AP2M1: variants seen among roughly 807,000 people sequenced by gnomAD.
AP2M1 encodes the protein adaptor related protein complex 2 subunit mu 1, also known as AP-2 complex subunit mu.
Under a neutral mutation model 54.5 loss-of-function variants are expected in AP2M1, and 5 were observed. That is an observed-to-expected ratio of 0.09 (90% CI 0.05 to 0.19). The LOEUF is 0.19. Ranked by LOEUF, AP2M1 falls within the 10% of genes least tolerant of loss-of-function variation. The pLI is 1.00. For missense variants in AP2M1, 178 were observed against 580.2 expected, an observed-to-expected ratio of 0.31 and a Z score of 7.12; for synonymous variants, 186 against 208.2, an observed-to-expected ratio of 0.89 and a Z score of 0.92.
chr3:184,179,187 T>C (rs1715187519), intron 3 of AP2M1, 65 bp downstream of exon 3: 2 of 1,577,976 alleles, frequency 1.3e-6, no homozygotes, highest in Non-Finnish European at 1.7e-6. Context: ...GGGCCTGGCC[T>C]GAAGGTGGGT....
chr3:184,182,409 T>C lies in AP2M1; in HGVS notation c.1061+161T>C, dbSNP rs1355753240. ...CAGTCTTTATACCTCCATGTGAGTA[T>C]GTACACGCCTGCATTTGGGTTCATG... On this transcript the variant is annotated intron_variant, in intron 10 of 11. Transcript: ENST00000292807. The surrounding 1 kb of genome is among the most constrained non-coding windows in gnomAD (Gnocchi z 5.5). 9.6e-6 allele frequency: 7 copies of C among 725,766 alleles called. No individual in the cohort carries two copies. The highest frequency in any genetic ancestry group is 1.6e-5 in the Non-Finnish European group (7 of 448,386). 45.0% of individuals were successfully genotyped at this position (725,766 alleles called of 1,614,324 possible).
Position 184,181,115 on chromosome 3 carries a change from G to T in AP2M1, c.596G>T (p.Arg199Leu). ...GTGCTGAGTGCCCATGTGTCGGGCCGGGTGGTGATGAAGAGCTACCTGAGT... is the reference window on the plus strand; with the variant it reads ...GTGCTGAGTGCCCATGTGTCGGGCCTGGTGGTGATGAAGAGCTACCTGAGT... The part of the protein sequence containing the change: ...GQVLSAHVSG[R>L]VVMKSYLSGM... The change falls in exon 7 of 12, where the codon CGG becomes CTG. Residue 199 changes from arginine (R) to leucine (L), a missense_variant. Physicochemically the swap from Arg to Leu is moderately radical, Grantham distance 102. This residue lies in a region of AP2M1 where 115 missense variants were observed against 331.2 expected (regional missense o/e 0.35). Coordinates refer to ENST00000292807, the MANE Select transcript of AP2M1 (RefSeq NM_004068.4). This position sits in a 1 kb window ranked among gnomAD's most constrained non-coding sequence, Gnocchi z 5.7. 1 of 1,614,122 alleles carries T rather than the reference G, an allele frequency of 6.2e-7. No homozygotes were observed. Among genetic ancestry groups the T allele is most frequent in the South Asian group, 1.1e-5 (1 of 91,056 alleles).
At chr3:184,179,272 C>A in intron 3 of AP2M1, 150 bp downstream of exon 3, 2 of 992,924 alleles carry the variant, frequency 2.0e-6, no homozygotes, top group South Asian at 3.3e-5. Context: ...ATCTCTATGC[C>A]CCTCAGAAGG....
chr3:184,182,689 G>A lies in AP2M1; in HGVS notation c.1062-68G>A, dbSNP rs538975980. 2 of 1,425,528 alleles carry A rather than the reference G, an allele frequency of 1.4e-6. No homozygotes were observed. The highest frequency in any genetic ancestry group is 2.4e-5 in the South Asian group (2 of 84,722). The allele number at this position is 1,425,528 out of a possible 1,614,324, so 88.3% of individuals were successfully genotyped here. Reference sequence around the variant, plus strand: ...AAGCTCCTGGGCTCTCTCCTTGCTTGAAATGGGCAACTGCCCTTGAAACTC... The same window carrying A: ...AAGCTCCTGGGCTCTCTCCTTGCTTAAAATGGGCAACTGCCCTTGAAACTC... On this transcript the variant is annotated intron_variant, in intron 10 of 11. Transcript: ENST00000292807. The surrounding 1 kb of genome is among the most constrained non-coding windows in gnomAD (Gnocchi z 5.5).
At position 184,181,167 on chromosome 3, in the gene AP2M1, G is replaced by A. The variant is rs775111647; in HGVS notation, c.648G>A (p.Met216Ile). 1 of 1,614,050 alleles carries A rather than the reference G, an allele frequency of 6.2e-7. No homozygotes were observed. The highest frequency in any genetic ancestry group is 1.3e-5 in the African/African-American group (1 of 74,928). ...GCATGCCTGAATGCAAGTTTGGGATGAATGACAAGATTGTTATTGAAAAGC... is the reference window on the plus strand; with the variant it reads ...GCATGCCTGAATGCAAGTTTGGGATAAATGACAAGATTGTTATTGAAAAGC... ...LSGMPECKFG[M>I]NDKIVIEKQG... The change falls in exon 7 of 12, where the codon ATG becomes ATA. Residue 216 changes from methionine (M) to isoleucine (I), a missense_variant. Around this residue, in one of 5 missense-constraint regions of AP2M1, gnomAD observed 115 missense variants for 331.2 expected, o/e 0.35. Transcript: ENST00000292807. The surrounding 1 kb of genome is among the most constrained non-coding windows in gnomAD (Gnocchi z 5.7).
chr3:184,181,595 C>A lies in AP2M1; in HGVS notation c.708-101C>A. ...GAGTCACAAAGCTGCATTCTAGCAGCTTTTCATAGTCTCTGGTGCCAGCCT... is the reference window on the plus strand; with the variant it reads ...GAGTCACAAAGCTGCATTCTAGCAGATTTTCATAGTCTCTGGTGCCAGCCT... On this transcript the variant is annotated intron_variant, in intron 7 of 11. Coordinates refer to ENST00000292807, the MANE Select transcript of AP2M1 (RefSeq NM_004068.4). The surrounding 1 kb of genome is among the most constrained non-coding windows in gnomAD (Gnocchi z 5.7). 6.7e-7 allele frequency: 1 copy of A among 1,490,898 alleles called. No individual in the cohort carries two copies. The allele number at this position is 1,490,898 out of a possible 1,614,324, so 92.4% of individuals were successfully genotyped here. A position where few individuals can be genotyped will look rare whatever the true frequency, so the allele number is the denominator to read the frequency against.
At chr3:184,176,525 G>A (rs909541985) in intron 1 of AP2M1, among the ~76,000 whole-genome samples, 1 of 152,162 alleles carries the variant, frequency 6.6e-6, no homozygotes, top group Non-Finnish European at 1.5e-5. Flanking sequence ...ATGCCTGGGG[G>A]CCCCAGGCCT....
At position 184,183,188 on chromosome 3, in the gene AP2M1, A is replaced by G. The variant is rs751604845; in HGVS notation, c.1174-294A>G. The G allele has an allele frequency of 5.4e-6, 3 of 553,100 alleles. No homozygotes were observed. The highest frequency in any genetic ancestry group is 9.7e-6 in the Non-Finnish European group (3 of 309,360). The allele number at this position is 553,100 out of a possible 1,614,324, so 34.3% of individuals were successfully genotyped here. ...TGACTTTGCTTTGCGCATGTTAGACATAATTTTCTCCACCTTATTTTTAAG... is the reference window on the plus strand; with the variant it reads ...TGACTTTGCTTTGCGCATGTTAGACGTAATTTTCTCCACCTTATTTTTAAG... On this transcript the variant is annotated intron_variant, in intron 11 of 11. Coordinates refer to ENST00000292807, the MANE Select transcript of AP2M1 (RefSeq NM_004068.4). This position sits in a 1 kb window ranked among gnomAD's most constrained non-coding sequence, Gnocchi z 5.7.
In AP2M1 at chr3:184,179,169, A is replaced by T. The variant is rs374693436; in HGVS notation, c.340+47A>T. 462 of 1,599,016 alleles carry T rather than the reference A, an allele frequency of 2.9e-4. 1 individual carries two copies. The African/African-American group carries it at 5.6e-3, about 19-fold the overall frequency. The stretch of plus-strand genomic sequence containing the variant: ...GGCAGCGGGCGTAGGGTGGGAAAAA[A>T]CCAGGCTGGGCCTGGCCTGAAGGTG... On this transcript the variant is annotated intron_variant, in intron 3 of 11. Transcript: ENST00000292807.
At position 184,180,755 on chromosome 3, in the gene AP2M1, G is replaced by A. The variant is rs1245499807; in HGVS notation, c.430-94G>A. 5.6e-6 allele frequency: 9 copies of A among 1,614,040 alleles called. No individual in the cohort carries two copies. The highest frequency in any genetic ancestry group is 1.1e-5 in the South Asian group (1 of 91,082). ...AATGGATTACAGGTGGGGACTAGAAGGGATGGGGAATGAGGGTGGAGTGGG... is the reference window on the plus strand; with the variant it reads ...AATGGATTACAGGTGGGGACTAGAAAGGATGGGGAATGAGGGTGGAGTGGG... On this transcript the variant is annotated intron_variant, in intron 5 of 11. Coordinates refer to ENST00000292807, the MANE Select transcript of AP2M1 (RefSeq NM_004068.4). The surrounding 1 kb of genome is among the most constrained non-coding windows in gnomAD (Gnocchi z 4.9).
intron 2 of AP2M1, chr3:184,177,629 T>G: frequency 6.5e-7 from 1 of 1,534,668 alleles, no homozygotes; most frequent in Non-Finnish European, 8.7e-7. Context: ...ACTCTCTGGG[T>G]CACTGTGGGA....
At chr3:184,177,484 A>C (rs1715111705) in intron 2 of AP2M1, 1 of 1,471,978 alleles carries the variant, frequency 6.8e-7, no homozygotes, top group Non-Finnish European at 9.2e-7. Context: ...AAACGCCTTC[A>C]CTGGATTCTG....
In AP2M1 at chr3:184,182,790, G is replaced by A. The variant is rs368284020; in HGVS notation, c.1095G>A (p.Gln365=). ...IKRMAGMKES[Q]ISAEIELLPT... Reference sequence around the variant, plus strand: ...GCATGGCAGGCATGAAGGAATCGCAGATCAGCGCAGAGATTGAGCTTCTGC... The same window carrying A: ...GCATGGCAGGCATGAAGGAATCGCAAATCAGCGCAGAGATTGAGCTTCTGC... The change falls in exon 11 of 12, where the codon CAG becomes CAA. Residue 365 remains glutamine (Q), a synonymous_variant. Coordinates refer to ENST00000292807, the MANE Select transcript of AP2M1 (RefSeq NM_004068.4). The surrounding 1 kb of genome is among the most constrained non-coding windows in gnomAD (Gnocchi z 5.5). 5.6e-6 allele frequency: 9 copies of A among 1,614,138 alleles called. No homozygotes were observed. The African/African-American group carries it at 1.2e-4, about 22-fold the overall frequency.
In AP2M1 at chr3:184,181,355, T is replaced by G. The variant is rs980171114; in HGVS notation, c.707+129T>G. The G allele has an allele frequency of 7.2e-6, 10 of 1,393,910 alleles. No individual in the cohort carries two copies. The African/African-American group carries it at 1.4e-4, about 20-fold the overall frequency. The allele number at this position is 1,393,910 out of a possible 1,614,324, so 86.3% of individuals were successfully genotyped here. A position where few individuals can be genotyped will look rare whatever the true frequency, so the allele number is the denominator to read the frequency against. On this transcript the variant is annotated intron_variant, in intron 7 of 11. Transcript: ENST00000292807. The surrounding 1 kb of genome is among the most constrained non-coding windows in gnomAD (Gnocchi z 5.7). ...CAAACTCTGTTCCTGACGGTAAGCC[T>G]GGCTGTTCGCTCTTGACATTAGTGC...
intron 2 of AP2M1, 144 bp downstream of exon 2, chr3:184,177,211 T>C: frequency 1.2e-6 from 1 of 845,224 alleles, no homozygotes; most frequent in South Asian, 1.7e-5. Flanking sequence ...TAGTGTAGCC[T>C]GGCTCCCATT....
Position 184,180,710 on chromosome 3 carries a change from C to T in AP2M1, c.429+60C>T. 1 of 1,614,194 alleles carries T rather than the reference C, an allele frequency of 6.2e-7. No individual in the cohort carries two copies. The highest frequency in any genetic ancestry group is 8.5e-7 in the Non-Finnish European group (1 of 1,180,028). On this transcript the variant is annotated intron_variant, in intron 5 of 11. Coordinates refer to ENST00000292807, the MANE Select transcript of AP2M1 (RefSeq NM_004068.4). This position sits in a 1 kb window ranked among gnomAD's most constrained non-coding sequence, Gnocchi z 4.9. ...TTGCTTTGTTTCTCCAGGCCCTGCC[C>T]TTTGGGGCTTATAGGGGAAAATGGA...
rs543156298 is a variant in AP2M1, at chr3:184,183,678, C to A, written c.*62C>A. On this transcript the variant is annotated 3_prime_UTR_variant, in exon 12 of 12. Transcript: ENST00000292807. This position sits in a 1 kb window ranked among gnomAD's most constrained non-coding sequence, Gnocchi z 5.7. Reference sequence around the variant, plus strand: ...CTCCTCCACAGGTCCAGGTGCCGCTCCCTCCCCCACCACACATCAGTGTCT... The same window carrying A: ...CTCCTCCACAGGTCCAGGTGCCGCTACCTCCCCCACCACACATCAGTGTCT... 30 of 1,556,592 alleles carry A rather than the reference C, an allele frequency of 1.9e-5. No homozygotes were observed. The African/African-American group carries it at 3.8e-4, about 20-fold the overall frequency.
At position 184,182,974 on chromosome 3, in the gene AP2M1, A is replaced by G; in HGVS notation, c.1173+106A>G. On this transcript the variant is annotated intron_variant, in intron 11 of 11. Coordinates refer to ENST00000292807, the MANE Select transcript of AP2M1 (RefSeq NM_004068.4). The surrounding 1 kb of genome is among the most constrained non-coding windows in gnomAD (Gnocchi z 5.5). Reference sequence around the variant, plus strand: ...CTTAGAGGTGAGGAAACTGAGGCCTAGAAAGAAGAACTGGCTTTAATTCAT... The same window carrying G: ...CTTAGAGGTGAGGAAACTGAGGCCTGGAAAGAAGAACTGGCTTTAATTCAT... The G allele has an allele frequency of 1.1e-6, 1 of 930,926 alleles. No individual in the cohort carries two copies. Among genetic ancestry groups the G allele is most frequent in the South Asian group, 1.4e-5 (1 of 71,686 alleles). 57.7% of individuals were successfully genotyped at this position (930,926 alleles called of 1,614,324 possible).
chr3:184,180,483 C>T lies in AP2M1; in HGVS notation c.424-162C>T. 2.5e-6 allele frequency: 3 copies of T among 1,212,690 alleles called. No homozygotes were observed. The highest frequency in any genetic ancestry group is 2.1e-5 in the Admixed American group (1 of 46,948). The allele number at this position is 1,212,690 out of a possible 1,614,324, so 75.1% of individuals were successfully genotyped here. Reference sequence around the variant, plus strand: ...ATACAGCTCAAGCAGTTTCCTTTTGCACTGAGGGGTGGGGGAGGAGGCCTG... The same window carrying T: ...ATACAGCTCAAGCAGTTTCCTTTTGTACTGAGGGGTGGGGGAGGAGGCCTG... On this transcript the variant is annotated intron_variant, in intron 4 of 11. Coordinates refer to ENST00000292807, the MANE Select transcript of AP2M1 (RefSeq NM_004068.4). This position sits in a 1 kb window ranked among gnomAD's most constrained non-coding sequence, Gnocchi z 4.9.
Sources: allele counts gnomAD v4.1 joint callset (sites outside exome capture counted in the v4.1 genomes callset), GRCh38; gene constraint gnomAD v4.1.1; regional missense constraint gnomAD v4.1.1; non-coding constraint Gnocchi (gnomAD v3.1); transcripts MANE v1.5; gene names NCBI Gene and HGNC (gene_info 2026-07-23, HGNC 2026-07-21).